The following ACSS1 variants were observed in gnomAD, a reference collection of about 807,000 sequenced individuals.
ACSS1 encodes the protein acetyl-coenzyme A synthetase 2-like, mitochondrial.
In ACSS1, 42 loss-of-function variants were observed where a neutral mutation model predicts 75.3. The observed-to-expected ratio is 0.56, with a 90% CI of 0.44 to 0.72. The LOEUF (loss-of-function observed/expected upper bound fraction) is 0.72. Among genes scored for constraint, ACSS1 ranks in the 30% least tolerant of loss-of-function variants. The probability of loss-of-function intolerance (pLI) is 0.00; values close to 1 mark genes in which losing one functional copy is unlikely to be tolerated. For synonymous variants in ACSS1, 380 were observed against 376.8 expected (o/e 1.01, Z -0.10); for missense variants, 782 against 935.7 (o/e 0.84, Z 2.14).
At chr20:25,015,779 A>G (rs1042906774) in intron 7 of ACSS1, among the ~76,000 whole-genome samples, 2 of 152,208 alleles carry the variant, frequency 1.3e-5, no homozygotes, top group Admixed American at 6.5e-5. Context: ...TGTGGGGAAA[A>G]CAGGATTTCA....
chr20:25,048,825 C>G (rs1286331651), intron 1 of ACSS1, among the ~76,000 whole-genome samples: 1 of 152,260 alleles, frequency 6.6e-6, no homozygotes, highest in Non-Finnish European at 1.5e-5. Flanking sequence ...GACCCTCCGG[C>G]AGAAACAGCT....
chr20:25,057,558 T>A (rs2089260268), intron 1 of ACSS1, among the ~76,000 whole-genome samples: 1 of 152,026 alleles, frequency 6.6e-6, no homozygotes, highest in Non-Finnish European at 1.5e-5. Flanking sequence ...CGGCCCGAGC[T>A]GGGCACGTGG....
At chr20:25,021,976 A>G (rs1413572947) in intron 5 of ACSS1, among the ~76,000 whole-genome samples, 1 of 152,196 alleles carries the variant, frequency 6.6e-6, no homozygotes, top group East Asian at 1.9e-4. Flanking sequence ...AGACCAAAGG[A>G]CACCAGAGAA....
At chr20:25,028,262 A>T (rs1039585299) in intron 3 of ACSS1, among the ~76,000 whole-genome samples, 1 of 152,244 alleles carries the variant, frequency 6.6e-6, no homozygotes, top group Non-Finnish European at 1.5e-5. Flanking sequence ...CTAATCCTAA[A>T]ATTCCTATGA....
At chr20:25,016,632 C>A (rs570736667) in intron 7 of ACSS1, among the ~76,000 whole-genome samples, 4 of 152,238 alleles carry the variant, frequency 2.6e-5, no homozygotes, top group Non-Finnish European at 5.9e-5. Flanking sequence ...ATTGGCAGCT[C>A]AGTGTCTTGT....
At chr20:25,032,280 G>A (rs559761967) in intron 2 of ACSS1, 2 of 1,167,834 alleles carry the variant, frequency 1.7e-6, no homozygotes, top group Non-Finnish European at 2.2e-6. Context: ...GATTGGCTCA[G>A]GGCCGACACG....
At chr20:25,047,446 G>C (rs889376366) in intron 2 of ACSS1, among the ~76,000 whole-genome samples, 2 of 152,212 alleles carry the variant, frequency 1.3e-5, no homozygotes, top group Non-Finnish European at 2.9e-5. Flanking sequence ...CATGTGCTTG[G>C]GGATTGTCTG....
rs1207887766 is a variant in ACSS1 at position 25,023,005 on chromosome 20, C to T, written c.895G>A (p.Gly299Arg). 7 of 1,614,070 alleles carry T rather than the reference C, an allele frequency of 4.3e-6. No homozygotes were observed. Among genetic ancestry groups the T allele is most frequent in the Non-Finnish European group, 5.9e-6 (7 of 1,180,016 alleles). ...LFMLYTSGST[G>R]MPKGIVHTQA... ...GTATGGACGATGCCCTTGGGCATTC[C>T]GGTGCTCCCTGAGGTGTACAGCATG... The change falls in exon 5 of 14, where the codon GGA becomes AGA. Residue 299 changes from glycine to arginine, a missense_variant. Physicochemically the swap from Gly to Arg is moderately radical, Grantham distance 125. Around this residue, in one of 2 missense-constraint regions of ACSS1, gnomAD observed 405 missense variants for 552.6 expected, o/e 0.73. Transcript: ENST00000323482.
intron 2 of ACSS1, among the ~76,000 whole-genome samples, chr20:25,038,981 G>A (rs564943953): frequency 2.0e-5 from 3 of 152,066 alleles, no homozygotes; most frequent in Non-Finnish European, 2.9e-5. Context: ...TGCATCCAGG[G>A]GGTATTCCCT....
Position 25,007,458 on chromosome 20 carries a change from T to C in ACSS1, c.*304A>G. ...GCTATCCCAGGGCCTCACCTTCCTGTGCTGGCTCAAGAGGGCAGAGGAATG... is the reference window on the plus strand; with the variant it reads ...GCTATCCCAGGGCCTCACCTTCCTGCGCTGGCTCAAGAGGGCAGAGGAATG... On this transcript the variant is annotated 3_prime_UTR_variant, in exon 14 of 14. Transcript: ENST00000323482. The C allele has an allele frequency of 8.2e-7, 1 of 1,214,808 alleles. No individual in the cohort carries two copies. 75.3% of individuals were successfully genotyped at this position (1,214,808 alleles called of 1,614,324 possible). A position where few individuals can be genotyped will look rare whatever the true frequency, so the allele number is the denominator to read the frequency against.
chr20:25,015,199 C>T lies in ACSS1; in HGVS notation c.1278G>A (p.Glu426=), dbSNP rs753497786. 6 of 1,612,782 alleles carry T rather than the reference C, an allele frequency of 3.7e-6. No homozygotes were observed. The Admixed American group carries it at 1.0e-4, about 27-fold the overall frequency. Residue 426 remains glutamate (E), a synonymous_variant, in exon 8 of 14, where the codon GAG becomes GAA. Coordinates refer to ENST00000323482, the MANE Select transcript of ACSS1 (RefSeq NM_032501.4). ...VGEPINCEAW[E]WLHRVVGDSR... The stretch of plus-strand genomic sequence containing the variant: ...TGTCCCCCACCACCCTGTGAAGCCA[C>T]TCCCAGGCCTCACAGTTGATGGGCT...
chr20:25,033,503 C>T (rs746510122), intron 2 of ACSS1, among the ~76,000 whole-genome samples: 2 of 152,230 alleles, frequency 1.3e-5, no homozygotes, highest in East Asian at 3.8e-4. Context: ...CAGTAGCTAT[C>T]GTCTTTCCCA....
intron 3 of ACSS1, among the ~76,000 whole-genome samples, chr20:25,029,255 T>C (rs2088781120): frequency 6.6e-6 from 1 of 152,266 alleles, no homozygotes; most frequent in Non-Finnish European, 1.5e-5. Context: ...AACATACAAA[T>C]GGCCAACAAG....
Position 25,054,987 on chromosome 20 carries a change from C to T in ACSS1, c.334+2782G>A, listed in dbSNP as rs2089222791. Among the ~76,000 whole-genome samples, 7 of 152,356 alleles carry T rather than the reference C, an allele frequency of 4.6e-5. No individual in the cohort carries two copies. In the South Asian group the frequency reaches 1.4e-3, roughly 32 times the overall value. ...CAAAAGTAGCTTTGAAATAACCAGT[C>T]CACTTTTTGTTCTCCATGTCTGCAT... On this transcript the variant is annotated intron_variant, in intron 1 of 13. Coordinates refer to ENST00000323482, the MANE Select transcript of ACSS1 (RefSeq NM_032501.4).
Position 25,009,306 on chromosome 20 carries a change from G to C in ACSS1, c.1854C>G (p.Thr618=). ...CAGGCACAGCATATTTGGCGATCTTGGTGGCCACCATGGACTTGAGCTCCT... is the reference window on the plus strand; with the variant it reads ...CAGGCACAGCATATTTGGCGATCTTCGTGGCCACCATGGACTTGAGCTCCT... ...VVQELKSMVA[T]KIAKYAVPDE... Residue 618 remains threonine (T), a synonymous_variant, in exon 13 of 14, where the codon ACC becomes ACG. Coordinates refer to ENST00000323482, the MANE Select transcript of ACSS1 (RefSeq NM_032501.4). The C allele has an allele frequency of 1.2e-6, 2 of 1,614,188 alleles. No individual in the cohort carries two copies. The highest frequency in any genetic ancestry group is 1.3e-5 in the African/African-American group (1 of 75,050).
chr20:25,013,893 TG>T, intron 9 of ACSS1, 67 bp downstream of exon 9: 1 of 1,507,766 alleles, frequency 6.6e-7, no homozygotes, highest in Non-Finnish European at 9.1e-7. Context: ...AGGAGAGAGC[TG>T]GGCTGGGCAG....
intron 12 of ACSS1, 98 bp from the exon 13 acceptor site, chr20:25,009,486 G>T (rs1277160074): frequency 2.1e-6 from 2 of 938,966 alleles, no homozygotes; most frequent in African/African-American, 1.6e-5. Flanking sequence ...AATCCGAAGG[G>T]CTTTTGAATC....
At chr20:25,035,058 C>A (rs549792156) in intron 2 of ACSS1, among the ~76,000 whole-genome samples, 7 of 151,854 alleles carry the variant, frequency 4.6e-5, no homozygotes, top group Admixed American at 2.0e-4. Context: ...CCACGCCTGG[C>A]TAATTTTTTT....
At chr20:25,010,225 C>G (rs893929152) in intron 12 of ACSS1, 1 of 152,662 alleles carries the variant, frequency 6.6e-6, no homozygotes, top group Admixed American at 6.5e-5. Flanking sequence ...ATGCCACCTT[C>G]ACCCATTCTT....
Sources: allele counts gnomAD v4.1 joint callset (sites outside exome capture counted in the v4.1 genomes callset), GRCh38; gene constraint gnomAD v4.1.1; regional missense constraint gnomAD v4.1.1; transcripts MANE v1.5; gene names NCBI Gene and HGNC (gene_info 2026-07-23, HGNC 2026-07-21).